The following CUL1 variants were observed in gnomAD, a reference collection of about 807,000 sequenced individuals.
CUL1 encodes the protein cullin-1.
A neutral mutation model predicts 118.0 loss-of-function variants in CUL1; 24 were observed. The observed-to-expected ratio is 0.20, with a 90% confidence interval of 0.15 to 0.29. The LOEUF is 0.29. CUL1 is among the 10% of genes least tolerant of loss of function. CUL1 has a pLI of 1.00. For synonymous variants in CUL1, 332 were observed against 340.4 expected (o/e 0.98, Z 0.27); for missense variants, 361 against 933.8 (o/e 0.39, Z 7.99).
At chr7:148,790,228 G>A in intron 15 of CUL1, 82 bp from the exon 16 acceptor site, 1 of 1,413,154 alleles carries the variant, frequency 7.1e-7, no homozygotes, top group Non-Finnish European at 1.0e-6. Flanking sequence ...CTGTAAGCTT[G>A]GAACAGTGGG....
chr7:148,737,569 TA>T (rs1798993647), intron 2 of CUL1, among the ~76,000 whole-genome samples: 1 of 114,362 alleles, frequency 8.7e-6, no homozygotes, highest in Admixed American at 8.2e-5. Flanking sequence ...TATATATATA[TA>T]TTTTTATATT....
rs188492215 is a variant in CUL1, at chr7:148,718,321, A to G, written c.-161-11641A>G. On this transcript the variant is annotated intron_variant, in intron 1 of 21. Transcript: ENST00000325222. ...GTTGTGTGGCCATCACTACAATGCAATTTTAGAACATTTCCATCACCCTGT... is the reference window on the plus strand; with the variant it reads ...GTTGTGTGGCCATCACTACAATGCAGTTTTAGAACATTTCCATCACCCTGT... Among the ~76,000 whole-genome samples the G allele has an allele frequency of 1.8e-4, 27 of 152,296 alleles. No homozygotes were observed. In the East Asian group the frequency reaches 4.6e-3, roughly 26 times the overall value.
At chr7:148,782,023 C>T (rs1015722386) in intron 9 of CUL1, among the ~76,000 whole-genome samples, 2 of 152,132 alleles carry the variant, frequency 1.3e-5, no homozygotes, top group South Asian at 2.1e-4. Context: ...TGCATGTTAC[C>T]GTATTCGAAA....
At chr7:148,741,952 T>G (rs1260517196) in intron 2 of CUL1, among the ~76,000 whole-genome samples, 1 of 152,240 alleles carries the variant, frequency 6.6e-6, no homozygotes, top group East Asian at 1.9e-4. Context: ...GGTTTTGATG[T>G]TCACCCTTAT....
intron 1 of CUL1, among the ~76,000 whole-genome samples, chr7:148,726,850 ATTT>A (rs57464809): frequency 1.1e-4 from 16 of 148,600 alleles, no homozygotes; most frequent in South Asian, 2.2e-4. Context: ...AAAAAAAAAA[ATTT>A]TTTTTTAAAT....
intron 1 of CUL1, among the ~76,000 whole-genome samples, chr7:148,729,356 C>T (rs1798681653): frequency 6.6e-6 from 1 of 152,134 alleles, no homozygotes; most frequent in Admixed American, 6.5e-5. Flanking sequence ...CACCCAGTAG[C>T]ACATGTACCT....
chr7:148,766,855 C>T (rs1002984638), intron 8 of CUL1, 132 bp downstream of exon 8: 1 of 778,362 alleles, frequency 1.3e-6, no homozygotes, highest in Middle Eastern at 3.9e-4. Flanking sequence ...TGTGTTTGTA[C>T]ATCGTTATGT....
Position 148,790,438 on chromosome 7 carries a change from G to T in CUL1, c.1803G>T (p.Leu601Phe). The change falls in exon 16 of 22, where the codon TTG (leucine) becomes TTT (phenylalanine). Residue 601 changes from leucine (L) to phenylalanine (F), a missense_variant. Transcript: ENST00000325222. ...ACTGCTTCAAAAACAGATATACTTT[G>T]CAGGTAAGATCACATTTTTATCTTA... ...VTNCFKNRYT[L>F]QASTFQMAIL... 6.2e-7 allele frequency: 1 copy of T among 1,612,814 alleles called. No homozygotes were observed. Among genetic ancestry groups the T allele is most frequent in the Non-Finnish European group, 8.5e-7 (1 of 1,179,134 alleles).
chr7:148,794,421 A>G (rs1343043735), intron 17 of CUL1, among the ~76,000 whole-genome samples: 1 of 152,184 alleles, frequency 6.6e-6, no homozygotes, highest in Non-Finnish European at 1.5e-5. Context: ...ATTATTTTCC[A>G]GTGATCTGTA....
intron 16 of CUL1, 107 bp from the exon 17 acceptor site, chr7:148,792,619 G>T (rs1028486377): frequency 6.2e-6 from 4 of 647,844 alleles, no homozygotes; most frequent in African/African-American, 5.5e-5. Flanking sequence ...CTTGTTTAAA[G>T]AATTTGTTTC....
intron 2 of CUL1, among the ~76,000 whole-genome samples, chr7:148,742,032 T>C (rs1215085971): frequency 1.3e-5 from 2 of 152,238 alleles, no homozygotes; most frequent in Non-Finnish European, 2.9e-5. Flanking sequence ...ATTGTGATGT[T>C]TGAGTCCTCC....
At chr7:148,723,228 G>T (rs1007057416) in intron 1 of CUL1, among the ~76,000 whole-genome samples, 3 of 152,146 alleles carry the variant, frequency 2.0e-5, no homozygotes, top group Non-Finnish European at 4.4e-5. Flanking sequence ...CCATCATCTT[G>T]TCAGTTTTTA....
chr7:148,718,671 A>G (rs1798295472), intron 1 of CUL1, among the ~76,000 whole-genome samples: 1 of 152,046 alleles, frequency 6.6e-6, no homozygotes, highest in African/African-American at 2.4e-5. Flanking sequence ...TGGGGCTATT[A>G]TAAAGTGCTG....
intron 1 of CUL1, among the ~76,000 whole-genome samples, chr7:148,701,534 C>T (rs909140004): frequency 6.6e-6 from 1 of 152,262 alleles, no homozygotes; most frequent in Non-Finnish European, 1.5e-5. Context: ...TTTGGAAACA[C>T]GATCAGGTTT....
At chr7:148,790,186 T>G in intron 15 of CUL1, 124 bp from the exon 16 acceptor site, 1 of 1,027,818 alleles carries the variant, frequency 9.7e-7, no homozygotes, top group Non-Finnish European at 1.5e-6. Context: ...CTGGCGTTTG[T>G]ATTTTACTTT....
intron 9 of CUL1, among the ~76,000 whole-genome samples, chr7:148,779,541 C>T (rs1028398554): frequency 6.6e-6 from 1 of 152,230 alleles, no homozygotes; most frequent in Admixed American, 6.5e-5. Flanking sequence ...ACAGCCCATT[C>T]TAAGAACGAA....
At chr7:148,722,919 T>A (rs1370624588) in intron 1 of CUL1, among the ~76,000 whole-genome samples, 1 of 152,254 alleles carries the variant, frequency 6.6e-6, no homozygotes, top group Non-Finnish European at 1.5e-5. Flanking sequence ...GCCCTAATCA[T>A]GCCCTTTGCA....
chr7:148,771,084 A>AT (rs1422970056), intron 9 of CUL1, among the ~76,000 whole-genome samples: 34 of 152,060 alleles, frequency 2.2e-4, no homozygotes, highest in South Asian at 4.1e-4. Context: ...TACCTAAGTG[A>AT]TTTTTTTTAA....
rs566681982 is a variant in CUL1, at chr7:148,787,860, T to C, written c.1480-697T>C. Among the ~76,000 whole-genome samples the C allele has an allele frequency of 7.2e-5, 11 of 152,368 alleles. No homozygotes were observed. Among genetic ancestry groups the C allele is most frequent in the Admixed American group, 2.6e-4 (4 of 15,306 alleles). ...GTGTCGGCGCTGTCGAGTGCTCTTATCTGACTTGGGACATACTTTACTTTG... is the reference window on the plus strand; with the variant it reads ...GTGTCGGCGCTGTCGAGTGCTCTTACCTGACTTGGGACATACTTTACTTTG... On this transcript the variant is annotated intron_variant, in intron 13 of 21. Transcript: ENST00000325222. The surrounding 1 kb of genome is among the most constrained non-coding windows in gnomAD (Gnocchi z 5.5).
Sources: gnomAD v4.1 joint callset for allele counts (sites outside exome capture counted in the v4.1 genomes callset) on GRCh38, gnomAD v4.1.1 for gene constraint, Gnocchi (gnomAD v3.1) non-coding constraint, MANE v1.5 for transcripts, NCBI Gene and HGNC (gene_info 2026-07-23, HGNC 2026-07-21) for gene names.